SZT2: variants seen among roughly 807,000 people sequenced by gnomAD.
SZT2 encodes KICSTOR complex protein SZT2.
In SZT2, 216 loss-of-function variants were observed where a neutral mutation model predicts 404.2. The observed-to-expected ratio is 0.53, with a 90% CI of 0.48 to 0.60. The LOEUF (loss-of-function observed/expected upper bound fraction) is 0.60, where lower values mean the gene tolerates loss of function less well. Ranked by LOEUF, SZT2 falls within the 20% of genes least tolerant of loss-of-function variation. SZT2 has a pLI of 0.00. For missense variants in SZT2, 3,857 were observed against 4,459.2 expected, an observed-to-expected ratio of 0.86 and a Z score of 3.85; for synonymous variants, 1,693 against 1,749.9, an observed-to-expected ratio of 0.97 and a Z score of 0.81.
Position 43,451,107 on chromosome 1 carries a change from G to A in SZT2, c.*627G>A, listed in dbSNP as rs550800195. On this transcript the variant is annotated 3_prime_UTR_variant, in exon 72 of 72. Transcript: ENST00000634258. ...GGAGGGAAGCAGCAGAGAAACTGAA[G>A]TGTTAGACACTATGTGTCCCACCAC... 963 of 918,034 alleles carry A rather than the reference G, an allele frequency of 1.0e-3. 13 individuals carry two copies. In the South Asian group the frequency reaches 0.012, roughly 11 times the overall value. The allele number at this position is 918,034 out of a possible 1,614,324, so 56.9% of individuals were successfully genotyped here.
rs759338342 is a variant in SZT2 at position 43,446,320 on chromosome 1, C to G, written c.8998-22C>G. The G allele has an allele frequency of 3.1e-6, 5 of 1,614,262 alleles. 1 individual carries two copies. The highest frequency in any genetic ancestry group is 4.5e-5 in the East Asian group (2 of 44,882). Reference sequence around the variant, plus strand: ...CCCACCTGTCTCTCGCCTTCCTGATCTCATCTTCACCTTCCCTCCAGGGCT... The same window carrying G: ...CCCACCTGTCTCTCGCCTTCCTGATGTCATCTTCACCTTCCCTCCAGGGCT... On this transcript the variant is annotated intron_variant, in intron 64 of 71. Coordinates refer to ENST00000634258, the MANE Select transcript of SZT2 (RefSeq NM_001365999.1).
At chr1:43,404,131 C>A in intron 3 of SZT2, 1 of 529,314 alleles carries the variant, frequency 1.9e-6, no homozygotes, top group African/African-American at 1.9e-5. Flanking sequence ...TGCTTGAGCC[C>A]AGGAGGTCGA....
At chr1:43,411,404 A>G (rs962905041) in intron 4 of SZT2, among the ~76,000 whole-genome samples, 3 of 152,184 alleles carry the variant, frequency 2.0e-5, no homozygotes, top group East Asian at 1.9e-4. Flanking sequence ...GGTGATGGCT[A>G]CTTCTCCATG....
At chr1:43,407,018 T>C (rs1174948982) in intron 4 of SZT2, 1 of 152,202 alleles carries the variant, frequency 6.6e-6, no homozygotes, top group Admixed American at 6.5e-5. Context: ...CAGTATTTTG[T>C]GGCTAATATG....
chr1:43,395,912 G>A (rs1648938581), intron 1 of SZT2, among the ~76,000 whole-genome samples: 2 of 152,214 alleles, frequency 1.3e-5, no homozygotes, highest in Admixed American at 1.3e-4. Flanking sequence ...TCAAACTGGA[G>A]AGATTTAGTA....
At chr1:43,422,288 T>C in intron 12 of SZT2, 63 bp downstream of exon 12, 1 of 1,521,856 alleles carries the variant, frequency 6.6e-7, no homozygotes, top group South Asian at 1.2e-5. Context: ...GGATAGGGAA[T>C]GATGGGAAGG....
At chr1:43,421,400 C>T in intron 11 of SZT2, 97 bp downstream of exon 11, 1 of 1,510,136 alleles carries the variant, frequency 6.6e-7, no homozygotes. Flanking sequence ...CTTTCTGTCT[C>T]ACGTCTAAGG....
Position 43,423,191 on chromosome 1 carries a change from G to A in SZT2, c.2130G>A (p.Gly710=). The change falls in exon 15 of 72, where the codon GGG becomes GGA. Residue 710 remains glycine, a synonymous_variant. Transcript: ENST00000634258. ...KEPTPKVKRK[G]LGGAGGGSSP... The stretch of plus-strand genomic sequence containing the variant: ...CAACGCCCAAGGTGAAACGAAAAGG[G>A]CTAGGGGGTGCTGGTGGGGGCAGCT... 6.3e-7 allele frequency: 1 copy of A among 1,597,630 alleles called. No homozygotes were observed. The highest frequency in any genetic ancestry group is 1.7e-5 in the Admixed American group (1 of 59,888).
chr1:43,426,685 C>T lies in SZT2; in HGVS notation c.3215-30C>T. 3 of 1,573,436 alleles carry T rather than the reference C, an allele frequency of 1.9e-6. No individual in the cohort carries two copies. Among genetic ancestry groups the T allele is most frequent in the Non-Finnish European group, 1.7e-6 (2 of 1,156,648 alleles). On this transcript the variant is annotated intron_variant, in intron 22 of 71. Coordinates refer to ENST00000634258, the MANE Select transcript of SZT2 (RefSeq NM_001365999.1). The surrounding 1 kb of genome is among the most constrained non-coding windows in gnomAD (Gnocchi z 4.9). ...GTCCCGCCTCTCTGCTGGCCCTGCC[C>T]TCTTTCACCCATCTCTACCCCCATT...
At chr1:43,399,059 G>A (rs1185824489) in intron 1 of SZT2, among the ~76,000 whole-genome samples, 3 of 151,364 alleles carry the variant, frequency 2.0e-5, no homozygotes, top group Admixed American at 6.6e-5. Flanking sequence ...CAGCCTAGGC[G>A]ACAGAGCGAG....
rs1060499723 is a variant in SZT2, at chr1:43,448,408, G to A, written c.9893G>A (p.Arg3298His). ...CCTGATCGACTGCGGCTAGGGGGGC[G>A]CCTGGCCCTGGCAGAGCTGGAGGAA... is the stretch of plus-strand genomic sequence containing the variant. Reference protein sequence around the residue: ...PGPDRLRLGGRLALAELEELL... With the variant: ...PGPDRLRLGGHLALAELEELL... The change falls in exon 69 of 72, where the codon CGC becomes CAC. Residue 3298 changes from arginine (R) to histidine (H), a missense_variant. Arg to His is a conservative substitution (Grantham distance 29, BLOSUM62 0). Around this residue, in one of 7 missense-constraint regions of SZT2, gnomAD observed 717 missense variants for 868.2 expected, o/e 0.83. Transcript: ENST00000634258. This position sits in a 1 kb window ranked among gnomAD's most constrained non-coding sequence, Gnocchi z 4.2. The A allele has an allele frequency of 6.3e-6, 10 of 1,584,052 alleles. No homozygotes were observed. The highest frequency in any genetic ancestry group is 2.3e-5 in the South Asian group (2 of 88,236).
At position 43,442,926 on chromosome 1, in the gene SZT2, T is replaced by G; in HGVS notation, c.8259T>G (p.Gly2753=). 6.2e-7 allele frequency: 1 copy of G among 1,614,010 alleles called. No individual in the cohort carries two copies. The highest frequency in any genetic ancestry group is 8.5e-7 in the Non-Finnish European group (1 of 1,179,974). ...EQGRLSGSSR[G]GGPLPLDTFP... ...GCCGACTGAGTGGGTCCTCTCGTGG[T>G]GGGGGTCCTCTTCCCCTGGACACAT... The change falls in exon 59 of 72, where the codon GGT becomes GGG. Residue 2753 remains glycine, a synonymous_variant. Transcript: ENST00000634258. This position sits in a 1 kb window ranked among gnomAD's most constrained non-coding sequence, Gnocchi z 4.5.
chr1:43,419,819 G>C lies in SZT2; in HGVS notation c.965G>C (p.Gly322Ala). 6.3e-7 allele frequency: 1 copy of C among 1,598,398 alleles called. No individual in the cohort carries two copies. ...AAGTTCATCGCAATGGCAACATTTG[G>C]GTCCTACCTGTCCACTTGTCCTGAG... ...LMKFIAMATF[G>A]SYLSTCPEPE... Residue 322 changes from glycine (G) to alanine (A), a missense_variant, in exon 8 of 72, where the codon GGG (glycine) becomes GCG (alanine). Around this residue, in one of 7 missense-constraint regions of SZT2, gnomAD observed 536 missense variants for 637.4 expected, o/e 0.84. Transcript: ENST00000634258.
intron 47 of SZT2, 28 bp from the exon 48 acceptor site, chr1:43,438,901 G>A (rs751775556): frequency 5.9e-5 from 95 of 1,613,886 alleles, no homozygotes; most frequent in Non-Finnish European, 7.5e-5. Context: ...TCTGCATTCA[G>A]CTCTGCCCTC....
chr1:43,419,064 C>A (rs1261623470), intron 7 of SZT2, among the ~76,000 whole-genome samples: 2 of 152,246 alleles, frequency 1.3e-5, no homozygotes, highest in African/African-American at 4.8e-5. Context: ...GGTCTGCAAA[C>A]ACTTTCTGCA....
intron 65 of SZT2, 166 bp downstream of exon 65, chr1:43,446,582 A>G: frequency 1.3e-6 from 1 of 788,574 alleles, no homozygotes; most frequent in Non-Finnish European, 2.1e-6. Flanking sequence ...TGGTGCCATG[A>G]CTGCACTCAC....
At position 43,453,522 on chromosome 1, in the gene SZT2, C is replaced by T. The variant is rs1336098777; in HGVS notation, c.*3042C>T. 3 of 1,535,788 alleles carry T rather than the reference C, an allele frequency of 2.0e-6. No individual in the cohort carries two copies. Among genetic ancestry groups the T allele is most frequent in the Non-Finnish European group, 2.6e-6 (3 of 1,138,256 alleles). ...CCTGCAGAGAGAACGGGCCTCAGCC[C>T]CCGGCTCGGACACTCCCCTGCCCGC... On this transcript the variant is annotated 3_prime_UTR_variant, in exon 72 of 72. Coordinates refer to ENST00000634258, the MANE Select transcript of SZT2 (RefSeq NM_001365999.1).
At position 43,441,781 on chromosome 1, in the gene SZT2, G is replaced by C. The variant is rs1655085290; in HGVS notation, c.7705G>C (p.Ala2569Pro). Residue 2569 changes from alanine (A) to proline (P), a missense_variant, in exon 55 of 72, where the codon GCT becomes CCT. This residue lies in a region of SZT2 where 573 missense variants were observed against 592.4 expected (regional missense o/e 0.97). Transcript: ENST00000634258. The surrounding 1 kb of genome is among the most constrained non-coding windows in gnomAD (Gnocchi z 4.8). ...GTTCACCGCACTGGTCACCTCAATG[G>C]CTGGAGACACCAGTGTCCGCATCTT... ...SEFTALVTSM[A>P]GDTSVRIFEQ... 1 of 1,614,182 alleles carries C rather than the reference G, an allele frequency of 6.2e-7. No homozygotes were observed. Among genetic ancestry groups the C allele is most frequent in the Non-Finnish European group, 8.5e-7 (1 of 1,180,034 alleles).
chr1:43,396,854 T>C (rs760764550), intron 1 of SZT2, among the ~76,000 whole-genome samples: 14 of 152,192 alleles, frequency 9.2e-5, no homozygotes, highest in Admixed American at 3.9e-4. Context: ...GTAAAAACGA[T>C]GTTTGTGGAA....
Sources: gnomAD v4.1 joint callset for allele counts (sites outside exome capture counted in the v4.1 genomes callset) on GRCh38, gnomAD v4.1.1 for gene constraint, gnomAD v4.1.1 regional missense constraint, Gnocchi (gnomAD v3.1) non-coding constraint, MANE v1.5 for transcripts, NCBI Gene and HGNC (gene_info 2026-07-23, HGNC 2026-07-21) for gene names.